FBXO34: variants seen among roughly 807,000 people sequenced by gnomAD.
The protein encoded by FBXO34 is F-box only protein 34.
FBXO34 carries 12 observed loss-of-function variants against 24.5 expected under a neutral mutation model. The ratio of observed to expected loss-of-function variants is 0.49; its 90% confidence interval spans 0.31 to 0.79. The LOEUF (loss-of-function observed/expected upper bound fraction) is 0.79. Ranked by LOEUF, FBXO34 falls within the 30% of genes least tolerant of loss-of-function variation. The pLI is 0.04. For synonymous variants in FBXO34, 320 were observed against 311.9 expected (o/e 1.03, Z -0.27); for missense variants, 823 against 857.7 (o/e 0.96, Z 0.51).
intron 1 of FBXO34, among the ~76,000 whole-genome samples, chr14:55,333,145 C>A (rs897082157): frequency 7.2e-5 from 11 of 152,198 alleles, no homozygotes; most frequent in Non-Finnish European, 1.6e-4. Flanking sequence ...CCACAAGACA[C>A]AAATCCCAGC....
chr14:55,292,308 ACTT>A, intron 1 of FBXO34, among the ~76,000 whole-genome samples: 1 of 152,182 alleles, frequency 6.6e-6, no homozygotes, highest in South Asian at 2.1e-4. Context: ...TTAAGGAAAA[ACTT>A]CATAGTAATT....
At chr14:55,345,067 T>C (rs1411426699) in intron 1 of FBXO34, among the ~76,000 whole-genome samples, 1 of 152,066 alleles carries the variant, frequency 6.6e-6, no homozygotes, top group African/African-American at 2.4e-5. Flanking sequence ...GAGGCCAAGG[T>C]GGGAGGCTTA....
At chr14:55,327,914 T>G (rs1448877486) in intron 1 of FBXO34, among the ~76,000 whole-genome samples, 4 of 32,704 alleles carry the variant, frequency 1.2e-4, no homozygotes. Context: ...GTTGGTTTTT[T>G]TTTTTTTTTT....
intron 1 of FBXO34, among the ~76,000 whole-genome samples, chr14:55,306,413 C>G (rs1882546776): frequency 6.6e-6 from 1 of 152,166 alleles, no homozygotes; most frequent in Non-Finnish European, 1.5e-5. Context: ...TTAAAGTTTT[C>G]CACTAAAGTC....
At chr14:55,342,076 G>T (rs1884011881) in intron 1 of FBXO34, among the ~76,000 whole-genome samples, 1 of 152,176 alleles carries the variant, frequency 6.6e-6, no homozygotes, top group African/African-American at 2.4e-5. Context: ...CCAAAGTGTA[G>T]TGGCTGTCAT....
chr14:55,425,107 C>T, the FBXO34 span, among the ~76,000 whole-genome samples: 1 of 152,132 alleles, frequency 6.6e-6, no homozygotes, highest in South Asian at 2.1e-4. Context: ...TGAACAAGAC[C>T]CAAAAACAAC....
Position 55,352,215 on chromosome 14 carries a change from A to G in FBXO34, c.1825A>G (p.Ile609Val), listed in dbSNP as rs1884413179. 1 of 1,614,036 alleles carries G rather than the reference A, an allele frequency of 6.2e-7. No individual in the cohort carries two copies. The highest frequency in any genetic ancestry group is 1.7e-5 in the Admixed American group (1 of 59,994). The change falls in exon 2 of 2, where the codon ATT becomes GTT. Residue 609 changes from isoleucine to valine, a missense_variant. Around this residue, in one of 2 missense-constraint regions of FBXO34, gnomAD observed 130 missense variants for 198.6 expected, o/e 0.65. Transcript: ENST00000313833. ...KCTCCYFKFI[I>V]EYYNIRPADS... Reference sequence around the variant, plus strand: ...TACCTGCTGCTATTTCAAGTTTATCATTGAGTACTACAATATCAGGCCAGC... The same window carrying G: ...TACCTGCTGCTATTTCAAGTTTATCGTTGAGTACTACAATATCAGGCCAGC...
chr14:55,336,677 A>G (rs1883786540), intron 1 of FBXO34, among the ~76,000 whole-genome samples: 1 of 152,166 alleles, frequency 6.6e-6, no homozygotes, highest in African/African-American at 2.4e-5. Flanking sequence ...TGTTTGCTCA[A>G]TACTCCCAAC....
At chr14:55,323,214 A>ATATATATAT (rs1236501244) in intron 1 of FBXO34, among the ~76,000 whole-genome samples, 14 of 38,890 alleles carry the variant, frequency 3.6e-4, no homozygotes, top group Admixed American at 1.8e-3. Context: ...AAAAAAAAAA[A>ATATATATAT]AAAAATATAT....
chr14:55,279,641 C>G (rs540888197), intron 1 of FBXO34, among the ~76,000 whole-genome samples: 10 of 152,254 alleles, frequency 6.6e-5, no homozygotes, highest in East Asian at 1.9e-4. Context: ...CCTAGAAGTT[C>G]AAGAAATGTA....
At chr14:55,311,810 C>G (rs969509544) in intron 1 of FBXO34, among the ~76,000 whole-genome samples, 5 of 151,896 alleles carry the variant, frequency 3.3e-5, no homozygotes, top group African/African-American at 4.8e-5. Context: ...TCACTGCAAC[C>G]TCCACCTCCT....
intron 1 of FBXO34, chr14:55,339,644 T>C (rs1448609986): frequency 6.6e-6 from 1 of 152,204 alleles, no homozygotes; most frequent in African/African-American, 2.4e-5. Flanking sequence ...GATTGATTTA[T>C]CTATAGTATA....
chr14:55,282,797 G>A (rs1403698024), intron 1 of FBXO34, among the ~76,000 whole-genome samples: 1 of 152,204 alleles, frequency 6.6e-6, no homozygotes, highest in African/African-American at 2.4e-5. Flanking sequence ...TGTTCATTGA[G>A]TAGTTTATTT....
chr14:55,368,655 T>C (rs1421474524), downstream of FBXO34: 3 of 152,182 alleles, frequency 2.0e-5, no homozygotes, highest in Admixed American at 1.3e-4. Context: ...GTAGGATGGT[T>C]TCCCCTGAAA....
At chr14:55,380,714 T>C in the FBXO34 span, 3 of 1,501,648 alleles carry the variant, frequency 2.0e-6, no homozygotes, top group African/African-American at 1.4e-5. Context: ...ACAACCACCA[T>C]GTACAAAACC....
chr14:55,418,059 A>C, the FBXO34 span, among the ~76,000 whole-genome samples: 1 of 152,220 alleles, frequency 6.6e-6, no homozygotes, highest in African/African-American at 2.4e-5. Context: ...TATAAAATCT[A>C]AGCCATTTTA....
chr14:55,349,842 C>G (rs28430823), intron 1 of FBXO34, among the ~76,000 whole-genome samples: 58,419 of 151,638 alleles, frequency 0.39, 11,615 homozygotes, highest in Non-Finnish European at 0.43. Flanking sequence ...CCTGTCCCCA[C>G]GTGATACGCC....
intron 1 of FBXO34, chr14:55,298,543 G>C: frequency 1.6e-6 from 1 of 626,672 alleles, no homozygotes. Context: ...CCTACTTCTT[G>C]TCCTCATCTT....
the FBXO34 span, among the ~76,000 whole-genome samples, chr14:55,441,131 C>A: frequency 2.0e-5 from 3 of 152,172 alleles, no homozygotes; most frequent in East Asian, 3.9e-4. Context: ...CAGGCGTGAG[C>A]CACTGCACCC....
Sources: allele counts gnomAD v4.1 joint callset (sites outside exome capture counted in the v4.1 genomes callset), GRCh38; gene constraint gnomAD v4.1.1; regional missense constraint gnomAD v4.1.1; transcripts MANE v1.5; gene names NCBI Gene and HGNC (gene_info 2026-07-23, HGNC 2026-07-21).